Variants in NEK11 observed in about 807,000 individuals in gnomAD.
NEK11 encodes the protein serine/threonine-protein kinase Nek11.
Under a neutral mutation model 80.7 loss-of-function variants are expected in NEK11, and 72 were observed. The observed-to-expected ratio is 0.89, with a 90% CI of 0.74 to 1.08. The LOEUF is 1.08. NEK11 is among the 50% of genes least tolerant of loss of function. NEK11 has a pLI of 0.00. For missense variants in NEK11, 764 were observed against 763.6 expected (o/e 1.00, Z -0.01); for synonymous variants, 251 against 260.7 (o/e 0.96, Z 0.36).
At chr3:131,187,133 G>C (rs1343876982) in intron 14 of NEK11, among the ~76,000 whole-genome samples, 1 of 152,118 alleles carries the variant, frequency 6.6e-6, no homozygotes, top group Non-Finnish European at 1.5e-5. Flanking sequence ...TATGCTGTCT[G>C]ATTTGAAATC....
intron 10 of NEK11, among the ~76,000 whole-genome samples, chr3:131,156,780 TA>T (rs1162813227): frequency 1.3e-5 from 2 of 152,138 alleles, no homozygotes; most frequent in Admixed American, 1.3e-4. Flanking sequence ...TTAATTCATG[TA>T]AAGTGCTTAC....
chr3:131,115,978 C>CTTTCTTTCT (rs2081135674), intron 5 of NEK11, among the ~76,000 whole-genome samples: 1 of 116,284 alleles, frequency 8.6e-6, no homozygotes, highest in African/African-American at 3.3e-5. Flanking sequence ...TTCTTTCTTT[C>CTTTCTTTCT]TTTCTTTCTT....
intron 4 of NEK11, among the ~76,000 whole-genome samples, chr3:131,081,258 A>G (rs2075226808): frequency 6.6e-6 from 1 of 152,220 alleles, no homozygotes; most frequent in South Asian, 2.1e-4. Flanking sequence ...GAGTAGAGGT[A>G]TATGTCCTGA....
At chr3:131,250,343 G>A (rs2095677023) in intron 16 of NEK11, among the ~76,000 whole-genome samples, 1 of 152,036 alleles carries the variant, frequency 6.6e-6, no homozygotes, top group South Asian at 2.1e-4. Flanking sequence ...AGAGAAAAGA[G>A]TGGTGTCTTA....
At chr3:131,331,917 C>T (rs1291807023) in intron 17 of NEK11, among the ~76,000 whole-genome samples, 3 of 152,196 alleles carry the variant, frequency 2.0e-5, no homozygotes, top group Non-Finnish European at 4.4e-5. Context: ...GGGGGAGGGG[C>T]GCCTGCCATT....
At chr3:131,255,079 GGAAAGAAAGAAA>G (rs59699596) in intron 16 of NEK11, among the ~76,000 whole-genome samples, 8,362 of 119,192 alleles carry the variant, frequency 0.07, 369 homozygotes, top group Non-Finnish European at 0.096. Context: ...ACAGAAAGAA[GGAAAGAAAGAAA>G]GAAAGAAAGA....
chr3:131,129,907 A>G (rs530334003), intron 5 of NEK11, among the ~76,000 whole-genome samples: 8 of 152,316 alleles, frequency 5.3e-5, no homozygotes, highest in African/African-American at 1.9e-4. Context: ...AAAAGACCCA[A>G]TATTATGGAT....
At chr3:131,038,944 T>C (rs1347569143) in intron 3 of NEK11, among the ~76,000 whole-genome samples, 1 of 152,206 alleles carries the variant, frequency 6.6e-6, no homozygotes, top group Non-Finnish European at 1.5e-5. Context: ...TTTAAATGTA[T>C]GAGATAGGGG....
At chr3:131,146,322 T>G (rs1026755751) in intron 7 of NEK11, among the ~76,000 whole-genome samples, 3 of 152,170 alleles carry the variant, frequency 2.0e-5, no homozygotes, top group African/African-American at 7.2e-5. Flanking sequence ...AATGTAACTT[T>G]TTAAAAGAGA....
intron 7 of NEK11, among the ~76,000 whole-genome samples, chr3:131,137,176 G>A (rs1191320323): frequency 6.6e-6 from 1 of 152,108 alleles, no homozygotes; most frequent in Non-Finnish European, 1.5e-5. Context: ...AAGGAATCTA[G>A]TTCATGCCCA....
At chr3:131,082,863 G>A (rs1334299623) in intron 4 of NEK11, among the ~76,000 whole-genome samples, 1 of 152,070 alleles carries the variant, frequency 6.6e-6, no homozygotes, top group Non-Finnish European at 1.5e-5. Context: ...ATAAGTTTCA[G>A]ACATGATGCT....
chr3:131,084,787 G>A (rs1203091451), intron 4 of NEK11, among the ~76,000 whole-genome samples: 1 of 152,168 alleles, frequency 6.6e-6, no homozygotes, highest in Non-Finnish European at 1.5e-5. Context: ...AAAATCCTGA[G>A]GCCTGAGGCC....
In NEK11 at chr3:131,168,973, G is replaced by A. The variant is rs779172252; in HGVS notation, c.1284+36G>A. Reference sequence around the variant, plus strand: ...TCATATTCACAAGCACAAAAGTGAGGCAGGTTTAATGATATCCAGAGAACA... The same window carrying A: ...TCATATTCACAAGCACAAAAGTGAGACAGGTTTAATGATATCCAGAGAACA... On this transcript the variant is annotated intron_variant, in intron 13 of 17. Coordinates refer to ENST00000383366, the MANE Select transcript of NEK11 (RefSeq NM_024800.5). 9.1e-6 allele frequency: 14 copies of A among 1,534,376 alleles called. No individual in the cohort carries two copies. The East Asian group carries it at 1.8e-4, about 20-fold the overall frequency.
At chr3:131,077,453 T>C (rs2074548663) in intron 3 of NEK11, among the ~76,000 whole-genome samples, 1 of 152,204 alleles carries the variant, frequency 6.6e-6, no homozygotes, top group South Asian at 2.1e-4. Flanking sequence ...CTTCATCTGC[T>C]AAACTGTGGA....
intron 7 of NEK11, among the ~76,000 whole-genome samples, chr3:131,141,355 TG>T (rs1471603066): frequency 6.6e-6 from 1 of 151,878 alleles, no homozygotes; most frequent in Non-Finnish European, 1.5e-5. Flanking sequence ...CTGCTCAGGA[TG>T]GGGAAAAATG....
chr3:131,276,482 G>C (rs953171570), intron 17 of NEK11, among the ~76,000 whole-genome samples: 3 of 152,182 alleles, frequency 2.0e-5, no homozygotes, highest in African/African-American at 7.2e-5. Flanking sequence ...TTGCATGTGG[G>C]CCACTCTGGG....
intron 3 of NEK11, among the ~76,000 whole-genome samples, chr3:131,075,716 T>A (rs1465717047): frequency 6.6e-6 from 1 of 152,204 alleles, no homozygotes. Flanking sequence ...CTTTGGAGGT[T>A]TGGCTTTCAT....
Position 131,187,952 on chromosome 3 carries a change from G to T in NEK11, c.1399+17065G>T, listed in dbSNP as rs2093658447. Among the ~76,000 whole-genome samples the T allele has an allele frequency of 2.0e-5, 3 of 152,166 alleles. No homozygotes were observed. The South Asian group carries it at 6.2e-4, about 31-fold the overall frequency. ...CCAGCTGATTTTACAAGACTGAAGA[G>T]AAAATACAATTTAATTAGAGATGGT... On this transcript the variant is annotated intron_variant, in intron 14 of 17. Coordinates refer to ENST00000383366, the MANE Select transcript of NEK11 (RefSeq NM_024800.5).
intron 5 of NEK11, among the ~76,000 whole-genome samples, chr3:131,111,474 A>G (rs909722569): frequency 1.3e-5 from 2 of 152,260 alleles, no homozygotes; most frequent in East Asian, 3.9e-4. Flanking sequence ...TTCATTAGAT[A>G]GTGATAAATT....
Sources: gnomAD v4.1 joint callset for allele counts (sites outside exome capture counted in the v4.1 genomes callset) on GRCh38, gnomAD v4.1.1 for gene constraint, MANE v1.5 for transcripts, NCBI Gene and HGNC (gene_info 2026-07-23, HGNC 2026-07-21) for gene names.